MICU1: variants seen among roughly 807,000 people sequenced by gnomAD.
The protein encoded by MICU1 is mitochondrial calcium uptake 1, also known as calcium uptake protein 1, mitochondrial.
A neutral mutation model predicts 56.8 loss-of-function variants in MICU1; 45 were observed. That is an observed-to-expected ratio of 0.79 (90% CI 0.62 to 1.02). The LOEUF (loss-of-function observed/expected upper bound fraction) is 1.02. Among genes scored for constraint, MICU1 ranks in the 50% least tolerant of loss-of-function variants. The pLI is 0.00. For missense variants in MICU1, 504 were observed against 587.1 expected, an observed-to-expected ratio of 0.86 and a Z score of 1.46; for synonymous variants, 186 against 195.1, an observed-to-expected ratio of 0.95 and a Z score of 0.39.
At chr10:72,396,621 A>T (rs1426921114) in intron 10 of MICU1, among the ~76,000 whole-genome samples, 1 of 152,244 alleles carries the variant, frequency 6.6e-6, no homozygotes, top group African/African-American at 2.4e-5. Context: ...CCATGGCATG[A>T]GAACTTCATG....
intron 8 of MICU1, among the ~76,000 whole-genome samples, chr10:72,425,115 C>T (rs1350856908): frequency 1.3e-5 from 2 of 152,174 alleles, no homozygotes; most frequent in Middle Eastern, 3.2e-3. Context: ...ATGTTTAAAT[C>T]AGATTTTCAG....
At chr10:72,388,302 A>G (rs1236590758) in intron 10 of MICU1, among the ~76,000 whole-genome samples, 1 of 152,232 alleles carries the variant, frequency 6.6e-6, no homozygotes, top group East Asian at 1.9e-4. Context: ...CTTAGCATAC[A>G]TGCCTTTTTC....
At chr10:72,594,073 A>G (rs1284449469) in intron 1 of MICU1, among the ~76,000 whole-genome samples, 1 of 152,216 alleles carries the variant, frequency 6.6e-6, no homozygotes, top group African/African-American at 2.4e-5. Context: ...CTTGAAAAAG[A>G]GAAACAATAA....
intron 1 of MICU1, among the ~76,000 whole-genome samples, chr10:72,588,434 C>T (rs1841127585): frequency 1.3e-5 from 2 of 151,978 alleles, no homozygotes; most frequent in Non-Finnish European, 2.9e-5. Context: ...ATTACACATA[C>T]TTTAGCTCTA....
intron 8 of MICU1, among the ~76,000 whole-genome samples, chr10:72,474,369 C>T (rs1866047692): frequency 6.7e-6 from 1 of 150,314 alleles, no homozygotes; most frequent in South Asian, 2.1e-4. Flanking sequence ...AGATTTTTGT[C>T]TCCAGACAAA....
intron 5 of MICU1, among the ~76,000 whole-genome samples, chr10:72,513,341 C>T (rs1023240170): frequency 7.2e-5 from 11 of 152,076 alleles, no homozygotes; most frequent in Non-Finnish European, 1.2e-4. Flanking sequence ...GCTTTTTGAC[C>T]ATCTGTATAT....
chr10:72,380,006 G>A (rs561861699), intron 10 of MICU1, among the ~76,000 whole-genome samples: 3 of 152,236 alleles, frequency 2.0e-5, no homozygotes, highest in African/African-American at 7.2e-5. Context: ...GTGGGATGAC[G>A]GCAGATTACA....
At chr10:72,449,409 T>A (rs1286078706) in intron 8 of MICU1, among the ~76,000 whole-genome samples, 3 of 149,612 alleles carry the variant, frequency 2.0e-5, no homozygotes, top group South Asian at 2.1e-4. Flanking sequence ...AAAAAAAAAA[T>A]TTTTTTTTGG....
intron 5 of MICU1, among the ~76,000 whole-genome samples, chr10:72,529,093 GATA>G (rs1459305681): frequency 1.3e-5 from 2 of 152,070 alleles, no homozygotes; most frequent in Admixed American, 6.6e-5. Context: ...GATAAATGTG[GATA>G]ATATTTCATT....
At chr10:72,575,810 C>G (rs1192497527) in intron 1 of MICU1, among the ~76,000 whole-genome samples, 2 of 152,150 alleles carry the variant, frequency 1.3e-5, no homozygotes, top group Admixed American at 1.3e-4. Flanking sequence ...TTCCCATTCC[C>G]TGAGACACAG....
intron 1 of MICU1, among the ~76,000 whole-genome samples, chr10:72,568,819 C>A (rs977868827): frequency 7.6e-6 from 1 of 131,256 alleles, no homozygotes; most frequent in Non-Finnish European, 1.5e-5. Flanking sequence ...GTGGCGCAAT[C>A]TCGGCTCACT....
chr10:72,451,008 G>A (rs376753366), intron 8 of MICU1, among the ~76,000 whole-genome samples: 10 of 144,680 alleles, frequency 6.9e-5, no homozygotes, highest in African/African-American at 2.3e-4. Flanking sequence ...GAGCTACTGC[G>A]CCCAGTCCCT....
chr10:72,573,307 CAAAAAAAAA>C (rs58866778), intron 1 of MICU1, among the ~76,000 whole-genome samples: 14 of 21,040 alleles, frequency 6.7e-4, no homozygotes, highest in African/African-American at 1.1e-3. Flanking sequence ...CCCATCACTA[CAAAAAAAAA>C]AAAAAAAAAA....
intron 8 of MICU1, among the ~76,000 whole-genome samples, chr10:72,448,822 T>A (rs1179323775): frequency 2.6e-5 from 4 of 152,160 alleles, no homozygotes; most frequent in Admixed American, 6.5e-5. Flanking sequence ...ATGATAACAA[T>A]TGTAAAAAAC....
At chr10:72,542,500 A>C (rs1419794023) in intron 4 of MICU1, among the ~76,000 whole-genome samples, 4 of 152,190 alleles carry the variant, frequency 2.6e-5, no homozygotes, top group Non-Finnish European at 4.4e-5. Flanking sequence ...AAACAAGTGC[A>C]GGAACCAGAG....
At chr10:72,432,014 T>G (rs1159009237) in intron 8 of MICU1, among the ~76,000 whole-genome samples, 1 of 152,134 alleles carries the variant, frequency 6.6e-6, no homozygotes. Flanking sequence ...TTGTCTATTT[T>G]TAAAAATAGC....
chr10:72,368,387 G>C, intron 11 of MICU1, 32 bp from the exon 12 acceptor site: 1 of 1,601,166 alleles, frequency 6.2e-7, no homozygotes, highest in African/African-American at 1.3e-5. Context: ...ACAGGGATAA[G>C]TGTTGGCCTT....
intron 1 of MICU1, among the ~76,000 whole-genome samples, chr10:72,579,442 T>C (rs1432006705): frequency 6.6e-6 from 1 of 152,146 alleles, no homozygotes; most frequent in Non-Finnish European, 1.5e-5. Context: ...TTTCCACCAG[T>C]GTATCAGTGA....
intron 1 of MICU1, among the ~76,000 whole-genome samples, chr10:72,594,661 G>A (rs1028724306): frequency 6.6e-6 from 1 of 151,988 alleles, no homozygotes; most frequent in Non-Finnish European, 1.5e-5. Flanking sequence ...CACTTTCAGG[G>A]ACCGAGGTAG....
Sources: allele counts gnomAD v4.1 joint callset (sites outside exome capture counted in the v4.1 genomes callset), GRCh38; gene constraint gnomAD v4.1.1; transcripts MANE v1.5; gene names NCBI Gene and HGNC (gene_info 2026-07-23, HGNC 2026-07-21).